C9orf85: variants seen among roughly 807,000 people sequenced by gnomAD.
The protein encoded by C9orf85 is chromosome 9 open reading frame 85.
C9orf85 carries 16 observed loss-of-function variants against 14.9 expected under a neutral mutation model. The ratio of observed to expected loss-of-function variants is 1.08; its 90% CI spans 0.73 to 1.63. The LOEUF (loss-of-function observed/expected upper bound fraction) is 1.63, where lower values mean the gene tolerates loss of function less well. Among genes scored for constraint, C9orf85 ranks in the 40% most tolerant of loss-of-function variants. The pLI is 0.00. For synonymous variants in C9orf85, 45 were observed against 56.8 expected, an observed-to-expected ratio of 0.79 and a Z score of 0.93; for missense variants, 172 against 186.1, an observed-to-expected ratio of 0.92 and a Z score of 0.44.
intron 2 of C9orf85, among the ~76,000 whole-genome samples, chr9:71,956,121 A>G (rs146224031): frequency 1.1e-4 from 17 of 152,038 alleles, no homozygotes; most frequent in African/African-American, 4.1e-4. Flanking sequence ...TTTAAAGAAT[A>G]TGTTTATTTC....
chr9:71,946,560 C>T (rs528357185), intron 1 of C9orf85, among the ~76,000 whole-genome samples: 5 of 151,920 alleles, frequency 3.3e-5, no homozygotes, highest in Admixed American at 6.6e-5. Context: ...TTTGTGAGGC[C>T]GAGGCGGGTG....
chr9:71,979,021 G>A (rs1269680901), intron 3 of C9orf85, among the ~76,000 whole-genome samples: 3 of 151,762 alleles, frequency 2.0e-5, no homozygotes, highest in Non-Finnish European at 4.4e-5. Context: ...GCAACAGAGT[G>A]AGACTCCGTC....
At chr9:71,984,017 G>GA (rs1270275645), downstream of C9orf85, 8 of 152,210 alleles carry the variant, frequency 5.3e-5, no homozygotes, top group Non-Finnish European at 7.3e-5. Flanking sequence ...CTTTAATGAT[G>GA]AAAACTGTTT....
intron 2 of C9orf85, among the ~76,000 whole-genome samples, chr9:71,966,576 A>G (rs1886257): frequency 0.99 from 151,273 of 152,260 alleles, 75,157 homozygotes; most frequent in Middle Eastern, 1. Flanking sequence ...AGGGAAAAGG[A>G]TGTACAAATT....
intron 1 of C9orf85, among the ~76,000 whole-genome samples, chr9:71,918,783 G>A (rs1827719576): frequency 6.6e-6 from 1 of 152,070 alleles, no homozygotes; most frequent in South Asian, 2.1e-4. Context: ...CCGTCTAGTT[G>A]CAGGAAAAAA....
At chr9:71,916,271 A>G (rs530148613) in intron 1 of C9orf85, among the ~76,000 whole-genome samples, 7 of 152,280 alleles carry the variant, frequency 4.6e-5, no homozygotes, top group African/African-American at 1.7e-4. Context: ...CATCCTTTTG[A>G]GGATGCTATT....
intron 1 of C9orf85, chr9:71,918,515 C>A: frequency 8.8e-7 from 1 of 1,137,020 alleles, no homozygotes; most frequent in Non-Finnish European, 1.2e-6. Context: ...CGGTCCATGG[C>A]CTGTCAGGAA....
chr9:71,944,677 C>G (rs1822035684), intron 1 of C9orf85, among the ~76,000 whole-genome samples: 1 of 152,128 alleles, frequency 6.6e-6, no homozygotes, highest in Admixed American at 6.5e-5. Context: ...GATTAACTTT[C>G]TTTGCTCACA....
At chr9:71,975,709 G>A (rs923765628), downstream of C9orf85, among the ~76,000 whole-genome samples, 1 of 152,002 alleles carries the variant, frequency 6.6e-6, no homozygotes, top group Admixed American at 6.6e-5. Context: ...GCGCATCCCT[G>A]TAATCCCAGC....
chr9:71,935,618 C>CCTG lies in C9orf85; in HGVS notation c.103-11386_103-11384dup, dbSNP rs147146013. On this transcript the variant is annotated intron_variant, in intron 1 of 3. Coordinates refer to ENST00000334731, the MANE Select transcript of C9orf85 (RefSeq NM_182505.5). Reference sequence around the variant, plus strand: ...ATCAGCCAGGGCAACACAGCGAGACCCTGCCCCCCGACCCAAAAAAAAAAA... The same window carrying CCTG: ...ATCAGCCAGGGCAACACAGCGAGACCCTGCTGCCCCCCGACCCAAAAAAAAAAA... Among the ~76,000 whole-genome samples, 1,347 of 150,216 alleles carry CCTG rather than the reference C, an allele frequency of 9.0e-3. 21 individuals are homozygous for CCTG. Among genetic ancestry groups the CCTG allele is most frequent in the African/African-American group, 0.031 (1,248 of 40,854 alleles).
At position 71,911,662 on chromosome 9, in the gene C9orf85, G is replaced by C; in HGVS notation, c.-73G>C. Reference sequence around the variant, plus strand: ...TCATTGACAGAAGCGTCAATTCCTGGGAGTAGTTCGTTGGTTTTCTTTCCC... The same window carrying C: ...TCATTGACAGAAGCGTCAATTCCTGCGAGTAGTTCGTTGGTTTTCTTTCCC... On this transcript the variant is annotated 5_prime_UTR_variant, in exon 1 of 4. Transcript: ENST00000334731. 1 of 1,264,160 alleles carries C rather than the reference G, an allele frequency of 7.9e-7. No homozygotes were observed. The highest frequency in any genetic ancestry group is 1.2e-6 in the Non-Finnish European group (1 of 861,706). 78.3% of individuals were successfully genotyped at this position (1,264,160 alleles called of 1,614,324 possible). A position where few individuals can be genotyped will look rare whatever the true frequency, so the allele number is the denominator to read the frequency against.
chr9:71,919,369 G>A (rs1827733858), intron 1 of C9orf85, among the ~76,000 whole-genome samples: 1 of 152,146 alleles, frequency 6.6e-6, no homozygotes, highest in Admixed American at 6.5e-5. Context: ...AGCAATTAAG[G>A]GTAGCCACTG....
chr9:71,962,598 G>A (rs1280805851), intron 2 of C9orf85, among the ~76,000 whole-genome samples: 2 of 152,224 alleles, frequency 1.3e-5, no homozygotes, highest in Non-Finnish European at 2.9e-5. Context: ...GGAAATGAAG[G>A]CAGTGCCAGA....
chr9:71,979,983 C>T (rs1157998154), intron 3 of C9orf85, among the ~76,000 whole-genome samples: 1 of 150,610 alleles, frequency 6.6e-6, no homozygotes, highest in African/African-American at 2.4e-5. Context: ...AATATAGTTA[C>T]AAATTTATTG....
intron 2 of C9orf85, among the ~76,000 whole-genome samples, chr9:71,962,043 G>C (rs1024514162): frequency 1.3e-5 from 2 of 152,106 alleles, no homozygotes; most frequent in Non-Finnish European, 2.9e-5. Context: ...ACGTGCTCCT[G>C]TAGTTCCAGC....
At chr9:71,920,327 C>T (rs140995181) in intron 1 of C9orf85, among the ~76,000 whole-genome samples, 236 of 152,220 alleles carry the variant, frequency 1.6e-3, no homozygotes, top group Admixed American at 2.6e-3. Flanking sequence ...TAGTATTATA[C>T]TTATTGTTGG....
At chr9:71,930,193 T>C (rs1828037559) in intron 1 of C9orf85, among the ~76,000 whole-genome samples, 1 of 152,144 alleles carries the variant, frequency 6.6e-6, no homozygotes, top group Non-Finnish European at 1.5e-5. Flanking sequence ...TCTGGACACC[T>C]GACCAAAGTA....
intron 1 of C9orf85, among the ~76,000 whole-genome samples, chr9:71,914,623 A>T (rs1201961538): frequency 2.6e-5 from 4 of 152,206 alleles, no homozygotes; most frequent in African/African-American, 9.7e-5. Context: ...ACTCATTCTC[A>T]AAAGGACACA....
intron 2 of C9orf85, among the ~76,000 whole-genome samples, chr9:71,956,043 T>C (rs1822371266): frequency 6.6e-6 from 1 of 152,178 alleles, no homozygotes; most frequent in Non-Finnish European, 1.5e-5. Context: ...AATACATTTG[T>C]AGTCAAGGAA....
Sources: gnomAD v4.1 joint callset for allele counts (sites outside exome capture counted in the v4.1 genomes callset) on GRCh38, gnomAD v4.1.1 for gene constraint, MANE v1.5 for transcripts, NCBI Gene and HGNC (gene_info 2026-07-23, HGNC 2026-07-21) for gene names.